The following TRMT112 variants were observed in gnomAD, a reference collection of about 807,000 sequenced individuals.
The protein encoded by TRMT112 is tRNA methyltransferase activator subunit 11-2.
In TRMT112, 9 loss-of-function variants were observed where a neutral mutation model predicts 13.8. The ratio of observed to expected loss-of-function variants is 0.65; its 90% CI spans 0.39 to 1.14. TRMT112 has a LOEUF of 1.14. TRMT112 is among the 50% of genes most tolerant of loss of function. The pLI is 0.01. For synonymous variants in TRMT112, 64 were observed against 67.0 expected, an observed-to-expected ratio of 0.96 and a Z score of 0.22; for missense variants, 196 against 165.5, an observed-to-expected ratio of 1.18 and a Z score of -1.01.
At position 64,317,336 on chromosome 11, in the gene TRMT112, T is replaced by G. The variant is rs986455749; in HGVS notation, c.108A>C (p.Glu36Asp). 2 of 1,614,100 alleles carry G rather than the reference T, an allele frequency of 1.2e-6. No homozygotes were observed. Among genetic ancestry groups the G allele is most frequent in the Admixed American group, 3.3e-5 (2 of 60,022 alleles). ...TACGCGCCACGAAGTTGGGGTTGAATTCCACAGGGCAGATACGGACCTCGG... is the reference window on the plus strand; with the variant it reads ...TACGCGCCACGAAGTTGGGGTTGAAGTCCACAGGGCAGATACGGACCTCGG... ...QATEVRICPV[E>D]FNPNFVARMI... The change falls in exon 2 of 4, where the codon GAA (glutamate) becomes GAC (aspartate). Residue 36 changes from glutamate to aspartate, a missense_variant. Coordinates refer to ENST00000544844, the MANE Select transcript of TRMT112 (RefSeq NM_016404.3).
At chr11:64,317,878 C>A (rs1397440723), upstream of TRMT112, 3 of 1,243,526 alleles carry the variant, frequency 2.4e-6, no homozygotes, top group African/African-American at 4.7e-5. Flanking sequence ...CTAACACCGT[C>A]GTCCTCTGTA....
upstream of TRMT112, chr11:64,318,470 T>C (rs1451853436): frequency 1.3e-6 from 2 of 1,486,212 alleles, no homozygotes; most frequent in East Asian, 2.5e-5. Context: ...TATCGCTTTA[T>C]TTCCTGCCTG....
chr11:64,318,438 C>G (rs1404749338), upstream of TRMT112: 33 of 1,549,272 alleles, frequency 2.1e-5, no homozygotes, highest in Non-Finnish European at 2.9e-5. Flanking sequence ...CCATGGCAAT[C>G]CCCGTCCCGC....
At chr11:64,318,246 C>T (rs1184442007), upstream of TRMT112, 3 of 1,612,098 alleles carry the variant, frequency 1.9e-6, no homozygotes, top group South Asian at 3.3e-5. Context: ...CGCCCTGAGA[C>T]GCTCAGCGGG....
At chr11:64,318,010 T>G, upstream of TRMT112, 2 of 1,407,576 alleles carry the variant, frequency 1.4e-6, no homozygotes, top group East Asian at 2.7e-5. Context: ...TCCGCCCCAT[T>G]TGTAGTTGCG....
upstream of TRMT112, chr11:64,317,642 A>G (rs2035339338): frequency 7.2e-6 from 8 of 1,106,708 alleles, no homozygotes; most frequent in Non-Finnish European, 1.0e-5. Flanking sequence ...GGAAGTGGCG[A>G]ACTTGCTGGA....
At position 64,317,541 on chromosome 11, in the gene TRMT112, T is replaced by G; in HGVS notation, c.-15A>C. 2.6e-6 allele frequency: 4 copies of G among 1,541,818 alleles called. No individual in the cohort carries two copies. The highest frequency in any genetic ancestry group is 3.5e-6 in the Non-Finnish European group (4 of 1,136,580). ...AGCAGTTTCATGTCGCCGCACAAACTCTCGCCAGGCCGGAACCGGAAAAAG... is the reference window on the plus strand; with the variant it reads ...AGCAGTTTCATGTCGCCGCACAAACGCTCGCCAGGCCGGAACCGGAAAAAG... On this transcript the variant is annotated 5_prime_UTR_variant, in exon 1 of 4. Transcript: ENST00000544844.
Position 64,316,827 on chromosome 11 carries a change from C to G in TRMT112, c.*34G>C. The G allele has an allele frequency of 7.0e-7, 1 of 1,431,588 alleles. No homozygotes were observed. Among genetic ancestry groups the G allele is most frequent in the Non-Finnish European group, 9.8e-7 (1 of 1,015,334 alleles). 88.7% of individuals were successfully genotyped at this position (1,431,588 alleles called of 1,614,324 possible). A position where few individuals can be genotyped will look rare whatever the true frequency, so the allele number is the denominator to read the frequency against. On this transcript the variant is annotated 3_prime_UTR_variant, in exon 4 of 4. Coordinates refer to ENST00000544844, the MANE Select transcript of TRMT112 (RefSeq NM_016404.3). ...CAGGGTATAGATCAACAAAAATACA[C>G]AGTCATAACAAGAAAAACTGGCGCC...
In TRMT112 at chr11:64,317,481, C is replaced by T; in HGVS notation, c.46G>A (p.Val16Met). 2 of 1,606,710 alleles carry T rather than the reference C, an allele frequency of 1.2e-6. No individual in the cohort carries two copies. Among genetic ancestry groups the T allele is most frequent in the South Asian group, 1.1e-5 (1 of 90,358 alleles). Residue 16 changes from valine to methionine, a missense_variant, in exon 1 of 4, where the codon GTG (valine) becomes ATG (methionine). By Grantham distance (21) the Val-to-Met change is conservative (BLOSUM62 1). Coordinates refer to ENST00000544844, the MANE Select transcript of TRMT112 (RefSeq NM_016404.3). ...CGCAGGGGGAAGCCACGGGACCCCA[C>T]CCCCCGCACATGCGAGCTCAGCAGA... ...HNLLSSHVRG[V>M]GSRGFPLRLQ...
Position 64,316,720 on chromosome 11 carries a change from A to AT in TRMT112, c.*140_*141insA. 1 of 637,498 alleles carries AT rather than the reference A, an allele frequency of 1.6e-6. No individual in the cohort carries two copies. The highest frequency in any genetic ancestry group is 2.8e-6 in the Non-Finnish European group (1 of 354,256). The allele number at this position is 637,498 out of a possible 1,614,324, so 39.5% of individuals were successfully genotyped here. A position where few individuals can be genotyped will look rare whatever the true frequency, so the allele number is the denominator to read the frequency against. On this transcript the variant is annotated 3_prime_UTR_variant, in exon 4 of 4. Coordinates refer to ENST00000544844, the MANE Select transcript of TRMT112 (RefSeq NM_016404.3). ...GGTTTTAAACCTTTAATGAGAAAAA[A>AT]ATATATAATACCGAGCTCAAAAACA...
At chr11:64,318,534 C>G (rs566585721), upstream of TRMT112, 47 of 1,052,616 alleles carry the variant, frequency 4.5e-5, 1 homozygote, top group Admixed American at 1.0e-3. Flanking sequence ...GCCCTCGTGG[C>G]TGCCCACCTT....
At chr11:64,318,086 C>G (rs925303403), upstream of TRMT112, 1 of 1,457,276 alleles carries the variant, frequency 6.9e-7, no homozygotes, top group African/African-American at 1.4e-5. Context: ...CGGGTGGCCG[C>G]TCGCGCCTGC....
chr11:64,317,577 G>T (rs2035337118), upstream of TRMT112: 2 of 1,477,988 alleles, frequency 1.4e-6, no homozygotes. Flanking sequence ...GTCGTCCTCC[G>T]CTGCCTCACT....
chr11:64,317,180 AT>A, intron 2 of TRMT112, 33 bp from the exon 3 acceptor site: 1 of 1,612,500 alleles, frequency 6.2e-7, no homozygotes, highest in Non-Finnish European at 8.5e-7. Context: ...ATCTCCGGGC[AT>A]CCCGAACTCC....
chr11:64,318,322 G>A (rs1194651936), upstream of TRMT112: 2 of 1,612,702 alleles, frequency 1.2e-6, no homozygotes, highest in Non-Finnish European at 1.7e-6. Context: ...TACAGTGAAG[G>A]AGAGTGGGCG....
chr11:64,317,395 T>C, intron 1 of TRMT112, 30 bp from the exon 2 acceptor site: 1 of 1,614,062 alleles, frequency 6.2e-7, no homozygotes, highest in Non-Finnish European at 8.5e-7. Flanking sequence ...AGGCAAGCAC[T>C]GGACCCCGGC....
upstream of TRMT112, chr11:64,318,237 G>A (rs562055323): frequency 1.1e-5 from 17 of 1,611,918 alleles, no homozygotes; most frequent in Non-Finnish European, 1.4e-5. Flanking sequence ...TGGCGTGTGC[G>A]CCCTGAGACG....
intron 2 of TRMT112, 25 bp downstream of exon 2, chr11:64,317,230 CCGGGATATG>C (rs776761762): frequency 4.6e-5 from 74 of 1,608,444 alleles, no homozygotes; most frequent in Non-Finnish European, 6.0e-5. Context: ...CCCGCATTCC[CCGGGATATG>C]CTGGGGCGGG....
In TRMT112 at chr11:64,317,536, C is replaced by T. The variant is rs1429885248; in HGVS notation, c.-10G>A. On this transcript the variant is annotated 5_prime_UTR_variant, in exon 1 of 4. It adds an upstream start codon to the 5' untranslated region. Transcript: ENST00000544844. Reference sequence around the variant, plus strand: ...GGGTAAGCAGTTTCATGTCGCCGCACAAACTCTCGCCAGGCCGGAACCGGA... The same window carrying T: ...GGGTAAGCAGTTTCATGTCGCCGCATAAACTCTCGCCAGGCCGGAACCGGA... 7.1e-6 allele frequency: 11 copies of T among 1,550,406 alleles called. No individual in the cohort carries two copies. In the African/African-American group the frequency reaches 1.1e-4, roughly 15 times the overall value.
Sources: gnomAD v4.1 joint callset for allele counts on GRCh38, gnomAD v4.1.1 for gene constraint, MANE v1.5 for transcripts, NCBI Gene and HGNC (gene_info 2026-07-23, HGNC 2026-07-21) for gene names.